Variants in MET observed in about 807,000 individuals in gnomAD.
The protein encoded by MET is MET proto-oncogene, receptor tyrosine kinase.
MET carries 48 observed loss-of-function variants against 133.1 expected under a neutral mutation model. That is an observed-to-expected ratio of 0.36 (90% CI 0.29 to 0.46). The LOEUF is 0.46. Among genes scored for constraint, MET ranks in the 20% least tolerant of loss-of-function variants. The pLI, the probability that MET is intolerant of heterozygous loss-of-function variation, is 1.00. For synonymous variants in MET, 628 were observed against 616.5 expected (o/e 1.02, Z -0.28); for missense variants, 1,442 against 1,695.9 (o/e 0.85, Z 2.63).
chr7:116,774,352 G>T (rs1377099824), intron 14 of MET, among the ~76,000 whole-genome samples: 1 of 152,136 alleles, frequency 6.6e-6, no homozygotes, highest in African/African-American at 2.4e-5. Flanking sequence ...GCACAGTGGA[G>T]AATTTACCAC....
intron 14 of MET, among the ~76,000 whole-genome samples, chr7:116,773,348 T>C (rs1794892097): frequency 6.6e-6 from 1 of 152,170 alleles, no homozygotes. Flanking sequence ...TGCTATGTGG[T>C]GTGACATCAG....
rs1584941830 is a variant in MET, at chr7:116,757,753, G to A, written c.2081G>A (p.Gly694Glu). 5.6e-6 allele frequency: 9 copies of A among 1,613,820 alleles called. No homozygotes were observed. Among genetic ancestry groups the A allele is most frequent in the Non-Finnish European group, 7.6e-6 (9 of 1,179,872 alleles). The change falls in exon 8 of 21, where the codon GGA becomes GAA. Residue 694 changes from glycine to glutamate, a missense_variant. Gly to Glu is a moderately conservative substitution (Grantham distance 98). This residue lies in a region of MET where 514 missense variants were observed against 659.6 expected (regional missense o/e 0.78). Coordinates refer to ENST00000397752, the MANE Select transcript of MET (RefSeq NM_000245.4). Reference sequence around the variant, plus strand: ...AATTCTAGACACATTTCAATTGGTGGAAAAACATGTACTTTAAAAAGGTGT... The same window carrying A: ...AATTCTAGACACATTTCAATTGGTGAAAAAACATGTACTTTAAAAAGGTGT... Reference protein sequence around the residue: ...SGNSRHISIGGKTCTLKSVSN... With the variant: ...SGNSRHISIGEKTCTLKSVSN...
chr7:116,760,567 G>T (rs1048137433), intron 10 of MET, among the ~76,000 whole-genome samples: 2 of 152,116 alleles, frequency 1.3e-5, no homozygotes, highest in East Asian at 1.9e-4. Context: ...CTCAAGCAAG[G>T]TCTTGATTGG....
intron 19 of MET, among the ~76,000 whole-genome samples, chr7:116,784,170 G>C (rs1795235556): frequency 6.6e-6 from 1 of 152,170 alleles, no homozygotes; most frequent in Non-Finnish European, 1.5e-5. Flanking sequence ...AAAGTTATAA[G>C]GAAACAGTAC....
At chr7:116,733,697 A>G (rs1279345802) in intron 3 of MET, among the ~76,000 whole-genome samples, 1 of 152,234 alleles carries the variant, frequency 6.6e-6, no homozygotes, top group Admixed American at 6.5e-5. Context: ...TGCTTATTTT[A>G]TGAAAAGTAC....
chr7:116,685,089 G>T (rs79620817), intron 1 of MET, among the ~76,000 whole-genome samples: 2 of 152,146 alleles, frequency 1.3e-5, no homozygotes, highest in African/African-American at 4.8e-5. Flanking sequence ...AGGGAGACCA[G>T]GTTTTGTGGG....
At chr7:116,749,754 G>A (rs949694045) in intron 5 of MET, among the ~76,000 whole-genome samples, 12 of 152,120 alleles carry the variant, frequency 7.9e-5, no homozygotes, top group South Asian at 4.1e-4. Flanking sequence ...AAGCAACTTC[G>A]GCAAATTCTC....
chr7:116,771,796 TG>T, intron 13 of MET, 52 bp from the exon 14 acceptor site: 1 of 1,613,318 alleles, frequency 6.2e-7, no homozygotes, highest in Non-Finnish European at 8.5e-7. Flanking sequence ...CAAAGTCTCC[TG>T]GGGCCCATGA....
At chr7:116,781,131 C>A (rs938441174) in intron 17 of MET, among the ~76,000 whole-genome samples, 1 of 152,128 alleles carries the variant, frequency 6.6e-6, no homozygotes, top group Non-Finnish European at 1.5e-5. Flanking sequence ...GAACTATCCT[C>A]GGAGCCTGCT....
intron 2 of MET, among the ~76,000 whole-genome samples, chr7:116,700,639 G>A (rs1434138487): frequency 1.3e-5 from 2 of 152,038 alleles, no homozygotes; most frequent in African/African-American, 2.4e-5. Flanking sequence ...TATCACAGCA[G>A]CAATTCCCAT....
Position 116,796,051 on chromosome 7 carries a change from C to G in MET, c.4100C>G (p.Ser1367Cys), listed in dbSNP as rs747239403. The change falls in exon 21 of 21, where the codon TCT becomes TGT. Residue 1367 changes from serine (S) to cysteine (C), a missense_variant. Around this residue, in one of 6 missense-constraint regions of MET, gnomAD observed 94 missense variants for 109.5 expected, o/e 0.86. Coordinates refer to ENST00000397752, the MANE Select transcript of MET (RefSeq NM_000245.4). ...GTAAAATGTGTCGCTCCGTATCCTTCTCTGTTGTCATCAGAAGATAACGCT... is the reference window on the plus strand; with the variant it reads ...GTAAAATGTGTCGCTCCGTATCCTTGTCTGTTGTCATCAGAAGATAACGCT... ...VNVKCVAPYP[S>C]LLSSEDNADD... 10 of 1,614,010 alleles carry G rather than the reference C, an allele frequency of 6.2e-6. No individual in the cohort carries two copies. The highest frequency in any genetic ancestry group is 8.5e-6 in the Non-Finnish European group (10 of 1,179,918).
rs773160188 is a variant in MET, at chr7:116,769,844, T to A, written c.2730+53T>A. On this transcript the variant is annotated intron_variant, in intron 12 of 20. Transcript: ENST00000397752. ...GTAAATAAGGAAGCCAGTGTAATTA[T>A]GTTATTCTCAGGCTTAAAATAAATC... 6 of 1,611,346 alleles carry A rather than the reference T, an allele frequency of 3.7e-6. No homozygotes were observed. The African/African-American group carries it at 5.3e-5, about 14-fold the overall frequency.
chr7:116,704,168 A>G (rs1437944478), intron 2 of MET, among the ~76,000 whole-genome samples: 1 of 152,142 alleles, frequency 6.6e-6, no homozygotes, highest in Admixed American at 6.5e-5. Context: ...GGTATCATGC[A>G]GATAACAATA....
At chr7:116,726,849 A>C (rs1792811383) in intron 2 of MET, among the ~76,000 whole-genome samples, 1 of 152,232 alleles carries the variant, frequency 6.6e-6, no homozygotes, top group Non-Finnish European at 1.5e-5. Context: ...GCTTCAAGGC[A>C]GAAGAGATAG....
At chr7:116,687,790 G>A (rs1163954354) in intron 1 of MET, among the ~76,000 whole-genome samples, 3 of 152,138 alleles carry the variant, frequency 2.0e-5, no homozygotes, top group Admixed American at 6.5e-5. Flanking sequence ...TACAAGGAAC[G>A]CCCAGCTCAT....
intron 2 of MET, among the ~76,000 whole-genome samples, chr7:116,716,186 G>A (rs1418345175): frequency 6.6e-6 from 1 of 151,626 alleles, no homozygotes; most frequent in Non-Finnish European, 1.5e-5. Context: ...CAGAAGGGAA[G>A]AGGTTGCAGT....
chr7:116,726,194 T>C (rs1426164750), intron 2 of MET, among the ~76,000 whole-genome samples: 7 of 2,106 alleles, frequency 3.3e-3, no homozygotes, highest in East Asian at 0.017. Flanking sequence ...ATAAAACAAA[T>C]ACTCATATCT....
intron 2 of MET, among the ~76,000 whole-genome samples, chr7:116,725,610 C>T (rs1478064081): frequency 6.6e-6 from 1 of 151,382 alleles, no homozygotes; most frequent in Non-Finnish European, 1.5e-5. Flanking sequence ...GTGATATAGC[C>T]TACTACACAC....
intron 1 of MET, among the ~76,000 whole-genome samples, chr7:116,695,567 T>A (rs942465958): frequency 6.6e-6 from 1 of 152,324 alleles, no homozygotes; most frequent in Middle Eastern, 3.4e-3. Context: ...GCTGATTGTC[T>A]GACTTCTGTT....
Sources: allele counts gnomAD v4.1 joint callset (sites outside exome capture counted in the v4.1 genomes callset), GRCh38; gene constraint gnomAD v4.1.1; regional missense constraint gnomAD v4.1.1; transcripts MANE v1.5; gene names NCBI Gene and HGNC (gene_info 2026-07-23, HGNC 2026-07-21).